PPARGC1A: variants seen among roughly 807,000 people sequenced by gnomAD.
The protein encoded by PPARGC1A is peroxisome proliferator-activated receptor gamma coactivator 1-alpha.
Under a neutral mutation model 88.7 loss-of-function variants are expected in PPARGC1A, and 25 were observed. That is an observed-to-expected ratio of 0.28 (90% confidence interval 0.21 to 0.39). The LOEUF is 0.39. Among genes scored for constraint, PPARGC1A ranks in the 10% least tolerant of loss-of-function variants. PPARGC1A has a pLI of 1.00. For synonymous variants in PPARGC1A, 363 were observed against 355.6 expected (o/e 1.02, Z -0.24); for missense variants, 880 against 968.7 (o/e 0.91, Z 1.22).
At chr4:24,211,536 T>C in the PPARGC1A span, among the ~76,000 whole-genome samples, 1 of 152,158 alleles carries the variant, frequency 6.6e-6, no homozygotes, top group Non-Finnish European at 1.5e-5. Flanking sequence ...CCTATGTGCG[T>C]GCATGGCTAG....
At chr4:24,083,854 G>A in the PPARGC1A span, among the ~76,000 whole-genome samples, 4 of 152,218 alleles carry the variant, frequency 2.6e-5, no homozygotes, top group African/African-American at 9.6e-5. Context: ...GGCAGCGTCT[G>A]CATCTTATTT....
the PPARGC1A span, among the ~76,000 whole-genome samples, chr4:24,441,862 A>C: frequency 6.6e-6 from 1 of 152,376 alleles, no homozygotes; most frequent in East Asian, 1.9e-4. Flanking sequence ...GCTCAAGAGC[A>C]TGCTGCTCCC....
intron 12 of PPARGC1A, among the ~76,000 whole-genome samples, chr4:23,799,276 A>C (rs2109325912): frequency 6.6e-6 from 1 of 152,296 alleles, no homozygotes; most frequent in Non-Finnish European, 1.5e-5. Flanking sequence ...CTTCCATTTT[A>C]AAACGACTTT....
intron 2 of PPARGC1A, among the ~76,000 whole-genome samples, chr4:23,843,603 A>C (rs1420964214): frequency 1.3e-5 from 2 of 152,136 alleles, no homozygotes; most frequent in Non-Finnish European, 2.9e-5. Flanking sequence ...GGAAGAGATA[A>C]GACATGAACA....
intron 10 of PPARGC1A, among the ~76,000 whole-genome samples, chr4:23,809,613 A>C (rs1720496820): frequency 3.9e-5 from 6 of 152,160 alleles, no homozygotes; most frequent in Admixed American, 3.9e-4. Flanking sequence ...AAATATGAAA[A>C]ATTCAATGTT....
the PPARGC1A span, among the ~76,000 whole-genome samples, chr4:23,969,845 A>C: frequency 6.6e-6 from 1 of 152,228 alleles, no homozygotes; most frequent in East Asian, 1.9e-4. Context: ...CACTCTCCAC[A>C]GGAAGCAACT....
the PPARGC1A span, among the ~76,000 whole-genome samples, chr4:24,410,481 A>T: frequency 6.6e-6 from 1 of 152,202 alleles, no homozygotes; most frequent in African/African-American, 2.4e-5. Flanking sequence ...AACTAATTTT[A>T]AAAATTTATA....
the PPARGC1A span, among the ~76,000 whole-genome samples, chr4:23,982,776 G>A: frequency 6.6e-6 from 1 of 152,182 alleles, no homozygotes; most frequent in African/African-American, 2.4e-5. Flanking sequence ...CACATGGAGA[G>A]AGTTGTAAAG....
the PPARGC1A span, among the ~76,000 whole-genome samples, chr4:24,143,958 C>T: frequency 5.9e-5 from 9 of 152,204 alleles, no homozygotes; most frequent in Non-Finnish European, 1.3e-4. Flanking sequence ...TTTTCTTTAG[C>T]ATGCTTTTGA....
the PPARGC1A span, among the ~76,000 whole-genome samples, chr4:23,922,731 G>A: frequency 6.6e-6 from 1 of 152,160 alleles, no homozygotes; most frequent in South Asian, 2.1e-4. Context: ...ATGAACAGAA[G>A]GCATCCCGTG....
At chr4:24,412,052 T>A in the PPARGC1A span, among the ~76,000 whole-genome samples, 3 of 152,208 alleles carry the variant, frequency 2.0e-5, no homozygotes, top group Non-Finnish European at 4.4e-5. Flanking sequence ...TGCTGGATCA[T>A]ATGTTAAGAG....
Position 23,792,993 on chromosome 4 carries a change from G to A in PPARGC1A, c.*2829C>T, listed in dbSNP as rs1228278184. The A allele has an allele frequency of 1.3e-5, 2 of 152,336 alleles. No homozygotes were observed. The highest frequency in any genetic ancestry group is 2.9e-5 in the Non-Finnish European group (2 of 67,994). 9.4% of individuals were successfully genotyped at this position (152,336 alleles called of 1,614,324 possible). ...TATGATATCTGTAGTGCTGTCTTTT[G>A]ATAAGTAAGAAAAGAAACCAAGTAT... On this transcript the variant is annotated 3_prime_UTR_variant, in exon 13 of 13. Coordinates refer to ENST00000264867, the MANE Select transcript of PPARGC1A (RefSeq NM_013261.5).
At chr4:24,414,785 A>T in the PPARGC1A span, among the ~76,000 whole-genome samples, 3 of 152,114 alleles carry the variant, frequency 2.0e-5, no homozygotes, top group African/African-American at 4.8e-5. Flanking sequence ...GCTTGAAGAG[A>T]GATTATTCAG....
the PPARGC1A span, among the ~76,000 whole-genome samples, chr4:24,471,724 C>T: frequency 1.3e-5 from 2 of 152,182 alleles, no homozygotes; most frequent in Admixed American, 1.3e-4. This position sits in a 1 kb window ranked among gnomAD's most constrained non-coding sequence, Gnocchi z 5.4. Flanking sequence ...ACGATGCAGC[C>T]GGACTGCATT....
At chr4:24,373,712 T>C in the PPARGC1A span, among the ~76,000 whole-genome samples, 1 of 152,164 alleles carries the variant, frequency 6.6e-6, no homozygotes, top group Non-Finnish European at 1.5e-5. Flanking sequence ...TTTTTAAGAA[T>C]AGATCAAATA....
chr4:24,400,426 G>C, the PPARGC1A span, among the ~76,000 whole-genome samples: 3 of 152,168 alleles, frequency 2.0e-5, no homozygotes, highest in African/African-American at 4.8e-5. Flanking sequence ...TGGACTCCAG[G>C]TTCTTCAGTT....
At chr4:24,183,030 G>A in the PPARGC1A span, among the ~76,000 whole-genome samples, 1 of 152,170 alleles carries the variant, frequency 6.6e-6, no homozygotes, top group Non-Finnish European at 1.5e-5. Context: ...CTCGGGCTCG[G>A]AGAAGTGCTG....
chr4:24,406,858 T>C, the PPARGC1A span, among the ~76,000 whole-genome samples: 1 of 152,170 alleles, frequency 6.6e-6, no homozygotes. Context: ...TTGAAATAGC[T>C]CTCAGAGAGG....
chr4:23,799,234 T>C (rs1718197865), intron 12 of PPARGC1A, among the ~76,000 whole-genome samples: 1 of 152,284 alleles, frequency 6.6e-6, no homozygotes, highest in South Asian at 2.1e-4. Flanking sequence ...GAAAAATGTT[T>C]TGAGTTCCAA....
Sources: gnomAD v4.1 joint callset for allele counts (sites outside exome capture counted in the v4.1 genomes callset) on GRCh38, gnomAD v4.1.1 for gene constraint, Gnocchi (gnomAD v3.1) non-coding constraint, MANE v1.5 for transcripts, NCBI Gene and HGNC (gene_info 2026-07-23, HGNC 2026-07-21) for gene names.